PTBP3: variants seen among roughly 807,000 people sequenced by gnomAD.
The protein encoded by PTBP3 is polypyrimidine tract binding protein 3, also known as polypyrimidine tract-binding protein 3.
In PTBP3, 20 loss-of-function variants were observed where a neutral mutation model predicts 58.7. The observed-to-expected ratio is 0.34, with a 90% CI of 0.24 to 0.50. PTBP3 has a LOEUF of 0.50. Ranked by LOEUF, PTBP3 falls within the 20% of genes least tolerant of loss-of-function variation. PTBP3 has a pLI of 0.98. For missense variants in PTBP3, 509 were observed against 637.2 expected (o/e 0.80, Z 2.17); for synonymous variants, 185 against 219.8 (o/e 0.84, Z 1.40).
rs529569419 is a variant in PTBP3, at chr9:112,296,216, TA to T, written c.34+1615del. On this transcript the variant is annotated intron_variant, in intron 2 of 13. Transcript: ENST00000374257. The stretch of plus-strand genomic sequence containing the variant: ...TAAGAGAATTTTTTAAAACAACACC[TA>T]AACAGAATTTTAGTGTTAGGTGACA... 2.4e-3 allele frequency among the ~76,000 whole-genome samples: 373 copies of T among 152,254 alleles called. 2 individuals are homozygous for T. Among genetic ancestry groups the T allele is most frequent in the African/African-American group, 8.8e-3 (366 of 41,556 alleles).
At chr9:112,293,288 C>A (rs1828525694) in intron 2 of PTBP3, among the ~76,000 whole-genome samples, 2 of 152,152 alleles carry the variant, frequency 1.3e-5, no homozygotes, top group Admixed American at 1.3e-4. Context: ...TGGCCTGTTT[C>A]TTGCTCTGGA....
At chr9:112,277,882 G>A (rs952384178) in intron 2 of PTBP3, among the ~76,000 whole-genome samples, 2 of 130,132 alleles carry the variant, frequency 1.5e-5, no homozygotes, top group Non-Finnish European at 3.2e-5. Flanking sequence ...TCAAAATAAC[G>A]TAACATAACA....
the PTBP3 span, among the ~76,000 whole-genome samples, chr9:112,368,747 G>A: frequency 6.6e-6 from 1 of 152,178 alleles, no homozygotes. Flanking sequence ...TGTGAACTTA[G>A]CCAATTTGCA....
In PTBP3 at chr9:112,221,676, C is replaced by T. The variant is rs1834812773; in HGVS notation, c.*2175G>A. 5.1e-6 allele frequency: 5 copies of T among 985,264 alleles called. No individual in the cohort carries two copies. The highest frequency in any genetic ancestry group is 6.0e-6 in the Non-Finnish European group (5 of 829,782). The allele number at this position is 985,264 out of a possible 1,614,324, so 61.0% of individuals were successfully genotyped here. Reference sequence around the variant, plus strand: ...AACTAAAAACTCCCACAACTACATACATGAGTATATCTATCTATTCAGCCA... The same window carrying T: ...AACTAAAAACTCCCACAACTACATATATGAGTATATCTATCTATTCAGCCA... On this transcript the variant is annotated 3_prime_UTR_variant, in exon 14 of 14. Coordinates refer to ENST00000374257, the MANE Select transcript of PTBP3 (RefSeq NM_001163788.4).
intron 1 of PTBP3, among the ~76,000 whole-genome samples, chr9:112,318,097 C>T (rs1564459657): frequency 6.6e-6 from 1 of 152,060 alleles, no homozygotes; most frequent in Non-Finnish European, 1.5e-5. Context: ...ATGTTTCCAA[C>T]TTAAAAAAGG....
In PTBP3 at chr9:112,221,253, A is replaced by T; in HGVS notation, c.*2598T>A. On this transcript the variant is annotated 3_prime_UTR_variant, in exon 14 of 14. Transcript: ENST00000374257. ...CAACTTTAGAAGAGTGTATTTATGTATATACACTTATCTACACACACACAC... is the reference window on the plus strand; with the variant it reads ...CAACTTTAGAAGAGTGTATTTATGTTTATACACTTATCTACACACACACAC... 4.1e-6 allele frequency: 4 copies of T among 985,070 alleles called. No individual in the cohort carries two copies. Among genetic ancestry groups the T allele is most frequent in the Non-Finnish European group, 4.8e-6 (4 of 829,288 alleles). The allele number at this position is 985,070 out of a possible 1,614,324, so 61.0% of individuals were successfully genotyped here.
At position 112,219,957 on chromosome 9, in the gene PTBP3, A is replaced by G. The variant is rs1304460103; in HGVS notation, c.*3894T>C. The stretch of plus-strand genomic sequence containing the variant: ...CTCTTTTAAAAGACAGCTGAGTTAT[A>G]TTTTCAAATTTTGTGCAATCTAAAT... On this transcript the variant is annotated 3_prime_UTR_variant, in exon 14 of 14. Coordinates refer to ENST00000374257, the MANE Select transcript of PTBP3 (RefSeq NM_001163788.4). 1 of 542,154 alleles carries G rather than the reference A, an allele frequency of 1.8e-6. No homozygotes were observed. The highest frequency in any genetic ancestry group is 2.5e-6 in the Non-Finnish European group (1 of 405,706). 33.6% of individuals were successfully genotyped at this position (542,154 alleles called of 1,614,324 possible). A position where few individuals can be genotyped will look rare whatever the true frequency, so the allele number is the denominator to read the frequency against.
chr9:112,225,557 T>A (rs946516961), intron 12 of PTBP3, among the ~76,000 whole-genome samples: 4 of 152,230 alleles, frequency 2.6e-5, no homozygotes, highest in African/African-American at 7.2e-5. Flanking sequence ...TAAAAATAGT[T>A]AAAACTGTAA....
the PTBP3 span, among the ~76,000 whole-genome samples, chr9:112,373,098 G>A: frequency 1.3e-5 from 2 of 151,884 alleles, no homozygotes; most frequent in African/African-American, 2.4e-5. Flanking sequence ...GGCTTTCACC[G>A]TGTTAGCCAG....
the PTBP3 span, among the ~76,000 whole-genome samples, chr9:112,369,532 C>T: frequency 5.3e-5 from 8 of 152,132 alleles, no homozygotes; most frequent in Non-Finnish European, 8.8e-5. Context: ...ACCAATTTCT[C>T]CCATTTGGAA....
chr9:112,235,088 T>C (rs753703777), intron 7 of PTBP3, among the ~76,000 whole-genome samples, 191 bp from the exon 8 acceptor site: 5 of 152,182 alleles, frequency 3.3e-5, no homozygotes, highest in African/African-American at 7.2e-5. Flanking sequence ...CCCTTTTCAA[T>C]TGGGTTCAAG....
At chr9:112,378,796 G>A in the PTBP3 span, among the ~76,000 whole-genome samples, 2 of 152,220 alleles carry the variant, frequency 1.3e-5, no homozygotes, top group African/African-American at 4.8e-5. Context: ...TTCCTCTGGA[G>A]CCTCTAAAGA....
rs1021531780 is a variant in PTBP3 at position 112,275,759 on chromosome 9, C to T, written c.204+85G>A. On this transcript the variant is annotated intron_variant, in intron 3 of 13. Transcript: ENST00000374257. ...TTCATAGTATGAAATTTTAAAAATA[C>T]AGAAAAGCTCAAGAAAATAAAAATT... The T allele has an allele frequency of 1.0e-4, 126 of 1,253,120 alleles. 1 individual carries two copies. The African/African-American group carries it at 1.7e-3, about 17-fold the overall frequency. 77.6% of individuals were successfully genotyped at this position (1,253,120 alleles called of 1,614,324 possible). A position where few individuals can be genotyped will look rare whatever the true frequency, so the allele number is the denominator to read the frequency against.
rs1018329741 is a variant in PTBP3 at position 112,274,554 on chromosome 9, T to C, written c.204+1290A>G. On this transcript the variant is annotated intron_variant, in intron 3 of 13. Transcript: ENST00000374257. ...ATTAAAATCAACATGACAAGTATTA[T>C]ATTTTTTGTCATGGTCACCACAGAA... Among the ~76,000 whole-genome samples the C allele has an allele frequency of 2.0e-5, 3 of 152,314 alleles. No individual in the cohort carries two copies. In the East Asian group the frequency reaches 5.8e-4, roughly 29 times the overall value.
chr9:112,259,969 G>A (rs1003046573), intron 5 of PTBP3, among the ~76,000 whole-genome samples: 3 of 152,044 alleles, frequency 2.0e-5, no homozygotes, highest in Admixed American at 6.6e-5. Flanking sequence ...TGCTGCCCAG[G>A]TGGTCTCAGC....
At chr9:112,227,115 C>A (rs571458956) in intron 12 of PTBP3, among the ~76,000 whole-genome samples, 1 of 152,088 alleles carries the variant, frequency 6.6e-6, no homozygotes, top group Non-Finnish European at 1.5e-5. Flanking sequence ...TGGACAAATA[C>A]GTGCCAATGG....
the PTBP3 span, among the ~76,000 whole-genome samples, chr9:112,375,374 G>C: frequency 2.0e-5 from 3 of 152,284 alleles, no homozygotes; most frequent in East Asian, 5.8e-4. Flanking sequence ...GCACATCCAG[G>C]TGCACTGCTG....
chr9:112,270,623 T>C (rs966033606), intron 3 of PTBP3, among the ~76,000 whole-genome samples: 13 of 152,320 alleles, frequency 8.5e-5, no homozygotes, highest in Non-Finnish European at 1.5e-4. Flanking sequence ...GCGTGTAGCA[T>C]TGACAGACAG....
At chr9:112,323,842 C>T (rs1159909186) in intron 1 of PTBP3, among the ~76,000 whole-genome samples, 2 of 152,044 alleles carry the variant, frequency 1.3e-5, no homozygotes, top group East Asian at 3.8e-4. Flanking sequence ...GAGTACAGGG[C>T]AGAAGAAACA....
Sources: allele counts gnomAD v4.1 joint callset (sites outside exome capture counted in the v4.1 genomes callset), GRCh38; gene constraint gnomAD v4.1.1; transcripts MANE v1.5; gene names NCBI Gene and HGNC (gene_info 2026-07-23, HGNC 2026-07-21).